MAP2K5: variants seen among roughly 807,000 people sequenced by gnomAD.
MAP2K5 encodes dual specificity mitogen-activated protein kinase kinase 5.
In MAP2K5, 49 loss-of-function variants were observed where a neutral mutation model predicts 83.1. That is an observed-to-expected ratio of 0.59 (90% confidence interval 0.47 to 0.75). The LOEUF (loss-of-function observed/expected upper bound fraction) is 0.75, where lower values mean the gene tolerates loss of function less well. Ranked by LOEUF, MAP2K5 falls within the 30% of genes least tolerant of loss-of-function variation. The pLI, the probability that MAP2K5 is intolerant of heterozygous loss-of-function variation, is 0.00. For synonymous variants in MAP2K5, 202 were observed against 191.8 expected (o/e 1.05, Z -0.44); for missense variants, 457 against 557.5 (o/e 0.82, Z 1.82).
rs12592315 is a variant in MAP2K5, at chr15:67,747,928, A to G, written c.1075-303A>G. ...TAAGCCCAGTGTTCACAATCTAGCA[A>G]TATAAAACATTATTTATATCTGAAT... On this transcript the variant is annotated intron_variant, in intron 17 of 21. Transcript: ENST00000178640. This position sits in a 1 kb window ranked among gnomAD's most constrained non-coding sequence, Gnocchi z 4.1. Among the ~76,000 whole-genome samples, 69,660 of 152,076 alleles carry G rather than the reference A, an allele frequency of 0.46. 16,845 individuals carry two copies. The highest frequency in any genetic ancestry group is 0.54 in the Non-Finnish European group (36,819 of 67,968).
intron 17 of MAP2K5, among the ~76,000 whole-genome samples, chr15:67,732,890 C>T (rs1235902579): frequency 6.6e-6 from 1 of 152,114 alleles, no homozygotes; most frequent in Admixed American, 6.5e-5. Flanking sequence ...AAATTGGATG[C>T]ACCTGAGATT....
chr15:67,616,997 G>A (rs1280412515), intron 8 of MAP2K5, among the ~76,000 whole-genome samples: 9 of 152,286 alleles, frequency 5.9e-5, no homozygotes, highest in African/African-American at 2.2e-4. Context: ...GTTAATGAAG[G>A]AAGTGCCCTG....
intron 8 of MAP2K5, among the ~76,000 whole-genome samples, chr15:67,605,669 C>T (rs1159143465): frequency 6.6e-6 from 1 of 152,126 alleles, no homozygotes; most frequent in Admixed American, 6.5e-5. Context: ...CATTTCTTTT[C>T]TTTTTGCTTG....
Position 67,748,422 on chromosome 15 carries a change from C to A in MAP2K5, c.1102-147C>A, listed in dbSNP as rs903152788. ...TAGGTACCATTAGAAATAATAGAACCTCCTGAGCATCAATGTTTTTATAAG... is the reference window on the plus strand; with the variant it reads ...TAGGTACCATTAGAAATAATAGAACATCCTGAGCATCAATGTTTTTATAAG... On this transcript the variant is annotated intron_variant, in intron 18 of 21. Coordinates refer to ENST00000178640, the MANE Select transcript of MAP2K5 (RefSeq NM_145160.3). This position sits in a 1 kb window ranked among gnomAD's most constrained non-coding sequence, Gnocchi z 4.0. 1 of 825,720 alleles carries A rather than the reference C, an allele frequency of 1.2e-6. No individual in the cohort carries two copies. Among genetic ancestry groups the A allele is most frequent in the Non-Finnish European group, 2.0e-6 (1 of 510,086 alleles). 51.1% of individuals were successfully genotyped at this position (825,720 alleles called of 1,614,324 possible). A position where few individuals can be genotyped will look rare whatever the true frequency, so the allele number is the denominator to read the frequency against.
chr15:67,734,000 G>A (rs2089284365), intron 17 of MAP2K5, among the ~76,000 whole-genome samples: 1 of 152,308 alleles, frequency 6.6e-6, no homozygotes, highest in African/African-American at 2.4e-5. Context: ...AATACGTTTT[G>A]CAAATGCTTT....
At position 67,748,494 on chromosome 15, in the gene MAP2K5, A is replaced by C. The variant is rs929616283; in HGVS notation, c.1102-75A>C. 1 of 1,300,238 alleles carries C rather than the reference A, an allele frequency of 7.7e-7. No homozygotes were observed. Among genetic ancestry groups the C allele is most frequent in the Non-Finnish European group, 1.1e-6 (1 of 910,150 alleles). The allele number at this position is 1,300,238 out of a possible 1,614,324, so 80.5% of individuals were successfully genotyped here. A position where few individuals can be genotyped will look rare whatever the true frequency, so the allele number is the denominator to read the frequency against. ...CTTGCTATATTTTATTGCATTAATG[A>C]TTTTTTCTTTCCACTCCACTGTAAA... is the stretch of plus-strand genomic sequence containing the variant. On this transcript the variant is annotated intron_variant, in intron 18 of 21. Coordinates refer to ENST00000178640, the MANE Select transcript of MAP2K5 (RefSeq NM_145160.3). This position sits in a 1 kb window ranked among gnomAD's most constrained non-coding sequence, Gnocchi z 4.0.
At chr15:67,714,318 A>T (rs1379420254) in intron 16 of MAP2K5, among the ~76,000 whole-genome samples, 1 of 148,508 alleles carries the variant, frequency 6.7e-6, no homozygotes, top group Non-Finnish European at 1.5e-5. Context: ...TTGAGTGCTT[A>T]CCAAGTAATA....
chr15:67,733,464 T>A (rs149891559), intron 17 of MAP2K5, among the ~76,000 whole-genome samples: 7 of 152,286 alleles, frequency 4.6e-5, no homozygotes, highest in African/African-American at 1.7e-4. Flanking sequence ...AAGAATGGCA[T>A]TCAAATAAAT....
intron 11 of MAP2K5, 68 bp from the exon 12 acceptor site, chr15:67,658,485 A>G: frequency 8.1e-7 from 1 of 1,231,250 alleles, no homozygotes; most frequent in Non-Finnish European, 1.2e-6. Flanking sequence ...CAGTGAACAC[A>G]CAGGAGAAGC....
chr15:67,655,523 C>G (rs1269291813), intron 11 of MAP2K5, among the ~76,000 whole-genome samples: 2 of 5,314 alleles, frequency 3.8e-4, no homozygotes, highest in East Asian at 0.14. Context: ...CTTTTTCTTT[C>G]ATGTTCAAAT....
At chr15:67,798,274 G>C (rs2090640037) in intron 21 of MAP2K5, among the ~76,000 whole-genome samples, 1 of 152,200 alleles carries the variant, frequency 6.6e-6, no homozygotes, top group African/African-American at 2.4e-5. Flanking sequence ...ACTGCCGGAG[G>C]CAGCCAGCAT....
Position 67,802,747 on chromosome 15 carries a change from G to A in MAP2K5, c.1243-3899G>A, listed in dbSNP as rs1026732. Among the ~76,000 whole-genome samples the A allele has an allele frequency of 0.39, 59,123 of 152,168 alleles. 12,317 individuals carry two copies. The highest frequency in any genetic ancestry group is 0.7 in the East Asian group (3,601 of 5,172). On this transcript the variant is annotated intron_variant, in intron 21 of 21. Transcript: ENST00000178640. This position sits in a 1 kb window ranked among gnomAD's most constrained non-coding sequence, Gnocchi z 5.0. ...TGGAAGATGCTCTTGACAAGCATCT[G>A]TATTGGTGCCTGGGTTCCAGGGAGC...
intron 7 of MAP2K5, among the ~76,000 whole-genome samples, chr15:67,597,482 G>A (rs957253246): frequency 6.6e-5 from 10 of 152,186 alleles, no homozygotes; most frequent in African/African-American, 2.4e-4. Context: ...CTTAAGTAAA[G>A]TGGACTAAAT....
intron 11 of MAP2K5, among the ~76,000 whole-genome samples, chr15:67,651,691 A>G (rs2086958286): frequency 6.6e-6 from 1 of 152,198 alleles, no homozygotes; most frequent in Admixed American, 6.5e-5. Context: ...ATAGGATTTC[A>G]TTCTTTTTAT....
At chr15:67,553,683 G>A in intron 2 of MAP2K5, among the ~76,000 whole-genome samples, 1 of 151,992 alleles carries the variant, frequency 6.6e-6, no homozygotes, top group East Asian at 1.9e-4. Flanking sequence ...GGAGGCCGAG[G>A]CAGGTGGATC....
chr15:67,692,438 A>G, intron 13 of MAP2K5, 41 bp from the exon 14 acceptor site: 3 of 1,401,912 alleles, frequency 2.1e-6, no homozygotes, highest in Non-Finnish European at 3.0e-6. Context: ...CGCTGTAGAT[A>G]CATGGAATTA....
chr15:67,738,576 T>A lies in MAP2K5; in HGVS notation c.1075-9655T>A, dbSNP rs2089397537. ...GCTTTTCTTATTAGTTGCTTGACCT[T>A]CTTTCTTTTTGGACTTCAGCCTCCT... On this transcript the variant is annotated intron_variant, in intron 17 of 21. Transcript: ENST00000178640. The surrounding 1 kb of genome is among the most constrained non-coding windows in gnomAD (Gnocchi z 4.1). Among the ~76,000 whole-genome samples, 1 of 152,176 alleles carries A rather than the reference T, an allele frequency of 6.6e-6. No homozygotes were observed. Among genetic ancestry groups the A allele is most frequent in the Non-Finnish European group, 1.5e-5 (1 of 68,014 alleles).
At chr15:67,607,233 A>G (rs1324556792) in intron 8 of MAP2K5, among the ~76,000 whole-genome samples, 2 of 152,262 alleles carry the variant, frequency 1.3e-5, no homozygotes, top group Admixed American at 6.5e-5. Flanking sequence ...AAATATTTGT[A>G]TATGACTGGA....
At chr15:67,706,777 G>C (rs2088565127) in intron 16 of MAP2K5, among the ~76,000 whole-genome samples, 1 of 151,870 alleles carries the variant, frequency 6.6e-6, no homozygotes. Flanking sequence ...TAAGGCCCCT[G>C]GCATGTTTTA....
Sources: allele counts gnomAD v4.1 joint callset (sites outside exome capture counted in the v4.1 genomes callset), GRCh38; gene constraint gnomAD v4.1.1; non-coding constraint Gnocchi (gnomAD v3.1); transcripts MANE v1.5; gene names NCBI Gene and HGNC (gene_info 2026-07-23, HGNC 2026-07-21).